The following EYS variants were observed in gnomAD, a reference collection of about 807,000 sequenced individuals.
EYS encodes protein eyes shut homolog.
A neutral mutation model predicts 282.1 loss-of-function variants in EYS; 250 were observed. The observed-to-expected ratio is 0.89, with a 90% CI of 0.80 to 0.98. The LOEUF (loss-of-function observed/expected upper bound fraction) is 0.98. Ranked by LOEUF, EYS falls within the 50% of genes least tolerant of loss-of-function variation. EYS has a pLI of 0.00. For synonymous variants in EYS, 1,355 were observed against 1,282.9 expected (o/e 1.06, Z -1.20); for missense variants, 4,016 against 3,709.0 (o/e 1.08, Z -2.15).
At chr6:64,791,813 G>T (rs1328441817) in intron 22 of EYS, among the ~76,000 whole-genome samples, 1 of 151,824 alleles carries the variant, frequency 6.6e-6, no homozygotes. Flanking sequence ...ATTATTTCCA[G>T]AATGTCATTT....
chr6:63,756,282 A>C (rs934741247), intron 41 of EYS, among the ~76,000 whole-genome samples: 1 of 152,104 alleles, frequency 6.6e-6, no homozygotes, highest in Non-Finnish European at 1.5e-5. Flanking sequence ...AATAGCTCTT[A>C]TTATTTTGAG....
chr6:64,391,186 G>A (rs1264871460), intron 28 of EYS, among the ~76,000 whole-genome samples: 7 of 152,122 alleles, frequency 4.6e-5, no homozygotes, highest in Non-Finnish European at 1.0e-4. Context: ...ATGGAACCAA[G>A]TTGGAAAACA....
At chr6:64,385,827 G>T (rs1470181505) in intron 29 of EYS, among the ~76,000 whole-genome samples, 1 of 152,056 alleles carries the variant, frequency 6.6e-6, no homozygotes, top group African/African-American at 2.4e-5. Context: ...ACTGGTGGGT[G>T]AACTTTTGTA....
At chr6:64,433,102 G>T (rs937365894) in intron 28 of EYS, among the ~76,000 whole-genome samples, 4 of 151,946 alleles carry the variant, frequency 2.6e-5, no homozygotes. Flanking sequence ...TAATGAGCCA[G>T]GTTACTTTTT....
At chr6:64,684,802 T>C (rs968366471) in intron 22 of EYS, among the ~76,000 whole-genome samples, 2 of 151,580 alleles carry the variant, frequency 1.3e-5, no homozygotes, top group Non-Finnish European at 2.9e-5. Context: ...AAAGATATAG[T>C]CAATAGAAAA....
intron 41 of EYS, among the ~76,000 whole-genome samples, chr6:63,760,476 A>G (rs1307925536): frequency 1.3e-5 from 2 of 152,026 alleles, no homozygotes; most frequent in Non-Finnish European, 2.9e-5. Context: ...TTCTAACCAA[A>G]TTGTTATTTT....
intron 14 of EYS, among the ~76,000 whole-genome samples, chr6:64,967,246 G>GACATTTTTTTAAGA (rs1770126853): frequency 1.3e-5 from 2 of 151,824 alleles, no homozygotes; most frequent in Admixed American, 1.3e-4. Context: ...GAAAGACTCT[G>GACATTTTTTTAAGA]CTTATTTTTA....
At chr6:64,355,517 G>A (rs1223175150) in intron 29 of EYS, among the ~76,000 whole-genome samples, 1 of 151,518 alleles carries the variant, frequency 6.6e-6, no homozygotes, top group African/African-American at 2.4e-5. Context: ...TTCCATGCAT[G>A]CAATACTCCA....
At chr6:63,921,446 G>T (rs1764572048) in intron 35 of EYS, among the ~76,000 whole-genome samples, 2 of 152,232 alleles carry the variant, frequency 1.3e-5, no homozygotes, top group Non-Finnish European at 2.9e-5. Context: ...TTAGATTTCC[G>T]TTTTAGTTTA....
At chr6:64,386,294 T>C (rs144376662) in intron 29 of EYS, among the ~76,000 whole-genome samples, 287 of 152,300 alleles carry the variant, frequency 1.9e-3, no homozygotes, top group Non-Finnish European at 2.0e-3. Context: ...GACAGGGTAA[T>C]TGATAAAGGA....
intron 29 of EYS, among the ~76,000 whole-genome samples, chr6:64,325,274 C>T (rs1009882163): frequency 6.6e-6 from 1 of 152,116 alleles, no homozygotes; most frequent in Non-Finnish European, 1.5e-5. Flanking sequence ...CCCCCTGGAG[C>T]CGGGTAGGCT....
intron 8 of EYS, among the ~76,000 whole-genome samples, chr6:65,370,256 CTT>C (rs35707502): frequency 1.2e-4 from 15 of 127,094 alleles, no homozygotes; most frequent in Non-Finnish European, 1.8e-4. Context: ...CTTTCTCTCT[CTT>C]TTTTTTTTTT....
intron 22 of EYS, among the ~76,000 whole-genome samples, chr6:64,698,458 A>C (rs2149921713): frequency 6.6e-6 from 1 of 152,218 alleles, no homozygotes; most frequent in African/African-American, 2.4e-5. Flanking sequence ...GGGAAGATTT[A>C]ACAACAAAAG....
intron 29 of EYS, among the ~76,000 whole-genome samples, chr6:64,308,581 T>G (rs544913519): frequency 6.6e-6 from 1 of 152,200 alleles, no homozygotes; most frequent in Admixed American, 6.5e-5. Flanking sequence ...ATTAGTTATC[T>G]TAATTTTTGA....
intron 2 of EYS, among the ~76,000 whole-genome samples, chr6:65,535,711 A>G (rs944441916): frequency 2.6e-5 from 4 of 152,164 alleles, no homozygotes; most frequent in African/African-American, 7.2e-5. Context: ...CAGCGATGTC[A>G]AACTTTTTGT....
chr6:64,298,309 C>G (rs2150370841), intron 30 of EYS, among the ~76,000 whole-genome samples: 1 of 149,792 alleles, frequency 6.7e-6, no homozygotes, highest in East Asian at 1.9e-4. Flanking sequence ...ATTTTGTTTT[C>G]TAAATAATTT....
At chr6:65,488,958 C>T (rs140052928) in intron 5 of EYS, among the ~76,000 whole-genome samples, 264 of 152,234 alleles carry the variant, frequency 1.7e-3, no homozygotes, top group African/African-American at 6.1e-3. Flanking sequence ...CTTCCTTACT[C>T]CTTATACAAA....
Position 65,090,612 on chromosome 6 carries a change from A to ACTT in EYS, c.2024-32886_2024-32885insAAG, listed in dbSNP as rs548413001. ...TTTAATATTTCCTAAATGAATGGAAACAGAAGAGAAGTTAAAGGATAAGTC... is the reference window on the plus strand; with the variant it reads ...TTTAATATTTCCTAAATGAATGGAAACTTCAGAAGAGAAGTTAAAGGATAAGTC... On this transcript the variant is annotated intron_variant, in intron 12 of 42. Transcript: ENST00000503581. 7.6e-4 allele frequency among the ~76,000 whole-genome samples: 115 copies of ACTT among 152,262 alleles called. 1 individual carries two copies. Among genetic ancestry groups the ACTT allele is most frequent in the Admixed American group, 1.2e-3 (19 of 15,288 alleles).
intron 29 of EYS, among the ~76,000 whole-genome samples, chr6:64,344,930 G>T (rs1771312118): frequency 6.6e-6 from 1 of 152,086 alleles, no homozygotes; most frequent in Admixed American, 6.6e-5. Flanking sequence ...GCCAAATCAT[G>T]AGTGAACTCC....
Sources: allele counts gnomAD v4.1 joint callset (sites outside exome capture counted in the v4.1 genomes callset), GRCh38; gene constraint gnomAD v4.1.1; transcripts MANE v1.5; gene names NCBI Gene and HGNC (gene_info 2026-07-23, HGNC 2026-07-21).